The following SYT1 variants were observed in gnomAD, a reference collection of about 807,000 sequenced individuals.
SYT1 encodes synaptotagmin 1.
Under a neutral mutation model 44.8 loss-of-function variants are expected in SYT1, and 8 were observed. That is an observed-to-expected ratio of 0.18 (90% confidence interval 0.10 to 0.32). The LOEUF (loss-of-function observed/expected upper bound fraction) is 0.32, where lower values mean the gene tolerates loss of function less well. Among genes scored for constraint, SYT1 ranks in the 10% least tolerant of loss-of-function variants. The pLI, the probability that SYT1 is intolerant of heterozygous loss-of-function variation, is 1.00. For missense variants in SYT1, 286 were observed against 509.3 expected, an observed-to-expected ratio of 0.56 and a Z score of 4.22; for synonymous variants, 154 against 188.8, an observed-to-expected ratio of 0.82 and a Z score of 1.51.
chr12:78,894,341 T>TTTTTTTTTTTTTTTTTTTTTTTTTG (rs1875234753), intron 1 of SYT1, among the ~76,000 whole-genome samples: 1 of 113,254 alleles, frequency 8.8e-6, no homozygotes, highest in Non-Finnish European at 1.8e-5. Context: ...TTTTTTTTTT[T>TTTTTTTTTTTTTTTTTTTTTTTTTG]TTTTTTTTTT....
At position 78,993,456 on chromosome 12, in the gene SYT1, C is replaced by T. The variant is rs377479524; in HGVS notation, c.-84+15525C>T. ...AGATATAAAGCCTATGACATTAGGT[C>T]CTGTGATGTTGTTTTACATGTTGCT... On this transcript the variant is annotated intron_variant, in intron 2 of 10. Transcript: ENST00000261205. Among the ~76,000 whole-genome samples the T allele has an allele frequency of 1.1e-4, 16 of 152,270 alleles. 1 individual carries two copies. The highest frequency in any genetic ancestry group is 5.8e-4 in the East Asian group (3 of 5,184).
intron 3 of SYT1, among the ~76,000 whole-genome samples, chr12:79,088,891 A>G (rs1331699797): frequency 6.6e-6 from 1 of 151,918 alleles, no homozygotes; most frequent in Non-Finnish European, 1.5e-5. Context: ...CAACAAAGAG[A>G]GGTTCCAGAA....
At chr12:79,037,612 C>T (rs140800556) in intron 2 of SYT1, among the ~76,000 whole-genome samples, 236 of 151,652 alleles carry the variant, frequency 1.6e-3, no homozygotes, top group Admixed American at 2.6e-3. Context: ...GGTTAGACAA[C>T]AAAAGAGAAA....
intron 9 of SYT1, among the ~76,000 whole-genome samples, chr12:79,373,341 G>A (rs1328389548): frequency 6.6e-6 from 1 of 152,018 alleles, no homozygotes; most frequent in Non-Finnish European, 1.5e-5. Context: ...AGTGTATATA[G>A]ACCACTATAG....
intron 2 of SYT1, among the ~76,000 whole-genome samples, chr12:79,018,985 TAATTTGTA>T (rs1386897343): frequency 6.6e-6 from 1 of 152,116 alleles, no homozygotes; most frequent in African/African-American, 2.4e-5. Context: ...AGCACATACG[TAATTTGTA>T]AATGATAGCT....
intron 1 of SYT1, among the ~76,000 whole-genome samples, chr12:78,952,330 C>A (rs1879009877): frequency 6.6e-6 from 1 of 152,104 alleles, no homozygotes; most frequent in African/African-American, 2.4e-5. Flanking sequence ...AGCATTTAAT[C>A]AGGCAGGGTT....
intron 1 of SYT1, among the ~76,000 whole-genome samples, chr12:78,941,377 C>T (rs1878361677): frequency 6.8e-6 from 1 of 147,284 alleles, no homozygotes; most frequent in Non-Finnish European, 1.5e-5. Context: ...CAGCCTAGAA[C>T]ATTTCTTAAT....
chr12:79,291,792 G>A (rs1452610745), intron 5 of SYT1: 6 of 658,762 alleles, frequency 9.1e-6, no homozygotes, highest in South Asian at 3.0e-5. Context: ...TTCTTCCATC[G>A]CTTCCATTTT....
intron 3 of SYT1, among the ~76,000 whole-genome samples, chr12:79,175,569 A>C (rs1871807192): frequency 6.6e-6 from 1 of 152,126 alleles, no homozygotes. Context: ...TCTATTTGGC[A>C]CACTCAAACT....
chr12:79,202,794 C>G (rs1055232353), intron 3 of SYT1, among the ~76,000 whole-genome samples: 3 of 152,152 alleles, frequency 2.0e-5, no homozygotes, highest in African/African-American at 7.2e-5. Flanking sequence ...TGAACCCTTA[C>G]CTAAACGTTT....
At chr12:79,059,612 G>T (rs1875224322) in intron 3 of SYT1, among the ~76,000 whole-genome samples, 1 of 151,998 alleles carries the variant, frequency 6.6e-6, no homozygotes, top group Non-Finnish European at 1.5e-5. Flanking sequence ...AATGTTTTCA[G>T]TAATAACTCC....
At chr12:79,258,001 A>G (rs1329576586) in intron 4 of SYT1, among the ~76,000 whole-genome samples, 1 of 152,194 alleles carries the variant, frequency 6.6e-6, no homozygotes, top group African/African-American at 2.4e-5. Context: ...ATTTTATTTC[A>G]CAAAAGGCAA....
intron 8 of SYT1, among the ~76,000 whole-genome samples, chr12:79,314,524 A>T (rs1045811302): frequency 2.0e-5 from 3 of 152,198 alleles, no homozygotes; most frequent in East Asian, 3.8e-4. Flanking sequence ...ACACCCCACA[A>T]AGGAACTCAA....
intron 9 of SYT1, among the ~76,000 whole-genome samples, chr12:79,439,266 G>C (rs1870266886): frequency 6.6e-6 from 1 of 152,264 alleles, no homozygotes; most frequent in Admixed American, 6.5e-5. Context: ...TTTCAGCTGT[G>C]TGTAATTTGA....
At chr12:79,436,721 T>TTGAA (rs1870114540) in intron 9 of SYT1, among the ~76,000 whole-genome samples, 1 of 152,166 alleles carries the variant, frequency 6.6e-6, no homozygotes, top group Non-Finnish European at 1.5e-5. Context: ...TTCTAGTGTA[T>TTGAA]TGAAGTAGGG....
intron 9 of SYT1, among the ~76,000 whole-genome samples, chr12:79,409,007 C>T (rs367788164): frequency 1.8e-4 from 27 of 151,998 alleles, no homozygotes; most frequent in African/African-American, 1.9e-4. Context: ...AATTTCTCAT[C>T]GGGCCAGCAT....
intron 9 of SYT1, among the ~76,000 whole-genome samples, chr12:79,424,563 A>G (rs1869320301): frequency 1.3e-5 from 2 of 152,100 alleles, no homozygotes; most frequent in Admixed American, 6.6e-5. Context: ...CAGCAATGTT[A>G]ACATTTCTTT....
At chr12:79,156,653 G>A (rs557145405) in intron 3 of SYT1, among the ~76,000 whole-genome samples, 1 of 152,028 alleles carries the variant, frequency 6.6e-6, no homozygotes, top group African/African-American at 2.4e-5. Context: ...ATTTTTAGTA[G>A]AGACAGGGTT....
chr12:79,014,139 G>GAAAAAAAAAAAAAAAAAAAAAAAAAAAAA (rs1170016597), intron 2 of SYT1, among the ~76,000 whole-genome samples: 1 of 90,382 alleles, frequency 1.1e-5, no homozygotes, highest in African/African-American at 4.5e-5. Context: ...AAAAAAAAAA[G>GAAAAAAAAAAAAAAAAAAAAAAAAAAAAA]AAAAAAAAAA....
Sources: allele counts gnomAD v4.1 joint callset (sites outside exome capture counted in the v4.1 genomes callset), GRCh38; gene constraint gnomAD v4.1.1; transcripts MANE v1.5; gene names NCBI Gene and HGNC (gene_info 2026-07-23, HGNC 2026-07-21).